Variants in SNTG2 observed in about 807,000 individuals in gnomAD.
The protein encoded by SNTG2 is syntrophin gamma 2.
In SNTG2, 74 loss-of-function variants were observed where a neutral mutation model predicts 70.9. That is an observed-to-expected ratio of 1.04 (90% CI 0.86 to 1.27). SNTG2 has a LOEUF of 1.27. Ranked by LOEUF, SNTG2 falls within the 50% of genes most tolerant of loss-of-function variation. SNTG2 has a pLI of 0.00. For synonymous variants in SNTG2, 278 were observed against 273.8 expected, an observed-to-expected ratio of 1.02 and a Z score of -0.15; for missense variants, 717 against 690.7, an observed-to-expected ratio of 1.04 and a Z score of -0.43.
At chr2:1,084,465 C>T (rs980600461) in intron 2 of SNTG2, among the ~76,000 whole-genome samples, 5 of 152,176 alleles carry the variant, frequency 3.3e-5, no homozygotes, top group African/African-American at 7.2e-5. Flanking sequence ...GCACCCGGTC[C>T]GCCCTCCTGC....
intron 12 of SNTG2, chr2:1,256,397 T>C (rs1031443903): frequency 7.9e-5 from 12 of 152,212 alleles, no homozygotes; most frequent in African/African-American, 2.9e-4. Flanking sequence ...TTTTCACTTT[T>C]GTTGCAGCAA....
intron 12 of SNTG2, among the ~76,000 whole-genome samples, chr2:1,257,318 G>C (rs552018011): frequency 2.6e-5 from 4 of 152,320 alleles, no homozygotes; most frequent in Admixed American, 2.6e-4. Flanking sequence ...ATTCTGGCCT[G>C]AATTGTGTGT....
In SNTG2 at chr2:1,237,951, A is replaced by G. The variant is rs1460400278; in HGVS notation, c.783A>G (p.Thr261=). 6 of 1,609,460 alleles carry G rather than the reference A, an allele frequency of 3.7e-6. No individual in the cohort carries two copies. Among genetic ancestry groups the G allele is most frequent in the South Asian group, 1.1e-5 (1 of 89,550 alleles). Residue 261 remains threonine (T), a synonymous_variant, in exon 10 of 17, where the codon ACA becomes ACG. Transcript: ENST00000308624. Reference sequence around the variant, plus strand: ...GCTCTGGGATCCTCCGGTTTTACACAGCCCAGGATGGCACCGACTGGCTGC... The same window carrying G: ...GCTCTGGGATCCTCCGGTTTTACACGGCCCAGGATGGCACCGACTGGCTGC... ...GVSSGILRFY[T]AQDGTDWLRA... is the part of the protein sequence containing the mutation.
chr2:1,255,169 A>G (rs1423741199), intron 12 of SNTG2, among the ~76,000 whole-genome samples: 3 of 152,180 alleles, frequency 2.0e-5, no homozygotes, highest in Non-Finnish European at 4.4e-5. Flanking sequence ...GGAGCCAGTC[A>G]TTTACCAAGT....
chr2:1,098,261 A>C lies in SNTG2; in HGVS notation c.267+9A>C, dbSNP rs1187288693. ...TGGGCCTGAGTATAAAGGTATGGAA[A>C]TGGTTTTCTCTATTCCTGCTTTTTA... On this transcript the variant is annotated intron_variant, in intron 3 of 16. Coordinates refer to ENST00000308624, the MANE Select transcript of SNTG2 (RefSeq NM_018968.4). The C allele has an allele frequency of 6.2e-7, 1 of 1,614,016 alleles. No homozygotes were observed. Among genetic ancestry groups the C allele is most frequent in the African/African-American group, 1.3e-5 (1 of 75,060 alleles).
chr2:1,285,671 A>G (rs527402988), intron 14 of SNTG2, among the ~76,000 whole-genome samples: 152 of 152,354 alleles, frequency 1.0e-3, no homozygotes, highest in African/African-American at 3.6e-3. Flanking sequence ...GCTCATGACA[A>G]TTACAATCCC....
At chr2:1,215,479 G>C (rs1189115455) in intron 9 of SNTG2, among the ~76,000 whole-genome samples, 3 of 151,946 alleles carry the variant, frequency 2.0e-5, no homozygotes, top group Non-Finnish European at 4.4e-5. Flanking sequence ...ATTCCATTGT[G>C]ATAGGTTGTA....
chr2:1,214,430 T>C (rs1674243345), intron 9 of SNTG2, among the ~76,000 whole-genome samples: 1 of 152,198 alleles, frequency 6.6e-6, no homozygotes, highest in Non-Finnish European at 1.5e-5. Context: ...CCTTTATCAA[T>C]GTATATTTTT....
At chr2:1,199,131 A>G (rs1006389659) in intron 8 of SNTG2, among the ~76,000 whole-genome samples, 1 of 117,182 alleles carries the variant, frequency 8.5e-6, no homozygotes, top group Non-Finnish European at 1.8e-5. Flanking sequence ...AAAACCCTCA[A>G]TAAAAAAACT....
intron 9 of SNTG2, among the ~76,000 whole-genome samples, chr2:1,218,614 C>T (rs1474814697): frequency 6.6e-6 from 1 of 152,228 alleles, no homozygotes; most frequent in Non-Finnish European, 1.5e-5. Flanking sequence ...AGAGAAATGT[C>T]TGTGCTTGAA....
In SNTG2 at chr2:1,282,803, C is replaced by T. The variant is rs546097925; in HGVS notation, c.1284+15232C>T. The stretch of plus-strand genomic sequence containing the variant: ...CCAAGTCCTGCTTCAGTCCCTGTCT[C>T]GTGGCTTTGACTGATACGATAAGTA... On this transcript the variant is annotated intron_variant, in intron 14 of 16. Coordinates refer to ENST00000308624, the MANE Select transcript of SNTG2 (RefSeq NM_018968.4). Among the ~76,000 whole-genome samples, 80 of 149,568 alleles carry T rather than the reference C, an allele frequency of 5.3e-4. 1 individual carries two copies. The Middle Eastern group carries it at 0.021, about 39-fold the overall frequency.
At chr2:1,251,824 C>T (rs1222007347) in intron 12 of SNTG2, among the ~76,000 whole-genome samples, 1 of 152,094 alleles carries the variant, frequency 6.6e-6, no homozygotes, top group African/African-American at 2.4e-5. Context: ...ACCACTCATG[C>T]ACACACCACA....
intron 6 of SNTG2, among the ~76,000 whole-genome samples, chr2:1,162,307 A>G (rs1426545734): frequency 6.6e-6 from 1 of 152,078 alleles, no homozygotes. Context: ...GTCCACACAC[A>G]CCTCAATGAT....
chr2:972,896 C>G (rs1660788546), intron 1 of SNTG2, among the ~76,000 whole-genome samples: 1 of 152,216 alleles, frequency 6.6e-6, no homozygotes, highest in Non-Finnish European at 1.5e-5. Flanking sequence ...AACCTCTTTT[C>G]TTTATAAATT....
intron 1 of SNTG2, among the ~76,000 whole-genome samples, chr2:968,140 GC>G (rs1462594132): frequency 8.0e-6 from 1 of 124,310 alleles, no homozygotes; most frequent in Non-Finnish European, 1.7e-5. Context: ...TTTATTTCAA[GC>G]GTTTTTTTTT....
intron 8 of SNTG2, among the ~76,000 whole-genome samples, chr2:1,174,202 C>T (rs112558079): frequency 1.6e-3 from 247 of 152,170 alleles, no homozygotes; most frequent in Non-Finnish European, 2.7e-3. Context: ...GTGCAGTCTT[C>T]CATACTCCAT....
intron 6 of SNTG2, among the ~76,000 whole-genome samples, chr2:1,151,085 A>G (rs1352812647): frequency 1.3e-5 from 2 of 152,226 alleles, no homozygotes; most frequent in East Asian, 3.9e-4. Context: ...AGTATAGAAT[A>G]TATGGTATGA....
At chr2:1,207,923 CAAAT>C in intron 8 of SNTG2, among the ~76,000 whole-genome samples, 1 of 152,306 alleles carries the variant, frequency 6.6e-6, no homozygotes, top group Admixed American at 6.5e-5. Context: ...AATGAAGTCT[CAAAT>C]AACGTTCTAA....
intron 1 of SNTG2, among the ~76,000 whole-genome samples, chr2:1,003,059 A>C (rs1176521030): frequency 2.6e-5 from 4 of 152,142 alleles, no homozygotes; most frequent in Non-Finnish European, 4.4e-5. Context: ...TAAAGTGTAC[A>C]CACAACCATA....
Sources: gnomAD v4.1 joint callset for allele counts (sites outside exome capture counted in the v4.1 genomes callset) on GRCh38, gnomAD v4.1.1 for gene constraint, MANE v1.5 for transcripts, NCBI Gene and HGNC (gene_info 2026-07-23, HGNC 2026-07-21) for gene names.